Variants in IFT88 observed in about 807,000 individuals in gnomAD.
IFT88 encodes intraflagellar transport 88.
A neutral mutation model predicts 119.5 loss-of-function variants in IFT88; 74 were observed. The ratio of observed to expected loss-of-function variants is 0.62; its 90% CI spans 0.51 to 0.75. The LOEUF is 0.75. IFT88 is among the 30% of genes least tolerant of loss of function. The probability of loss-of-function intolerance (pLI) is 0.00; values close to 1 mark genes in which losing one functional copy is unlikely to be tolerated. For missense variants in IFT88, 961 were observed against 977.7 expected (o/e 0.98, Z 0.23); for synonymous variants, 279 against 316.7 (o/e 0.88, Z 1.26).
intron 5 of IFT88, 95 bp from the exon 6 acceptor site, chr13:20,591,523 T>C (rs974316495): frequency 1.2e-6 from 1 of 840,056 alleles, no homozygotes; most frequent in South Asian, 1.8e-5. Flanking sequence ...CAGCATTTTT[T>C]TAAATAGGGC....
intron 16 of IFT88, among the ~76,000 whole-genome samples, chr13:20,633,271 T>C (rs527765853): frequency 2.0e-5 from 3 of 152,218 alleles, no homozygotes; most frequent in East Asian, 3.9e-4. Context: ...AGGAAACTTA[T>C]AATCATAGCA....
At chr13:20,608,846 G>GC (rs1319963438) in intron 13 of IFT88, among the ~76,000 whole-genome samples, 1 of 152,232 alleles carries the variant, frequency 6.6e-6, no homozygotes, top group South Asian at 2.1e-4. Context: ...GCATGTCAGA[G>GC]TTGGCATCCG....
chr13:20,600,311 G>A (rs1338424097), intron 11 of IFT88, among the ~76,000 whole-genome samples: 2 of 152,032 alleles, frequency 1.3e-5, no homozygotes, highest in Non-Finnish European at 2.9e-5. Context: ...TATATTAAGT[G>A]CTTCATAATC....
chr13:20,621,448 C>G (rs1398539673), intron 14 of IFT88, among the ~76,000 whole-genome samples: 4 of 148,980 alleles, frequency 2.7e-5, no homozygotes, highest in Admixed American at 6.8e-5. Context: ...TTGAGGATTA[C>G]CTTGAGTATT....
At chr13:20,655,478 AT>A (rs2052605820) in intron 21 of IFT88, among the ~76,000 whole-genome samples, 1 of 150,736 alleles carries the variant, frequency 6.6e-6, no homozygotes, top group Non-Finnish European at 1.5e-5. Context: ...ACATTTATTT[AT>A]TTATTTATCC....
At position 20,672,158 on chromosome 13, in the gene IFT88, A is replaced by G. The variant is rs78816483; in HGVS notation, c.2242+1119A>G. Reference sequence around the variant, plus strand: ...GTTGGGACAAAGACTCCTTGAATTCAGAGCTGTGCTTTGAAATTCAAGGAG... The same window carrying G: ...GTTGGGACAAAGACTCCTTGAATTCGGAGCTGTGCTTTGAAATTCAAGGAG... On this transcript the variant is annotated intron_variant, in intron 24 of 25. Coordinates refer to ENST00000351808, the MANE Select transcript of IFT88 (RefSeq NM_006531.5). Among the ~76,000 whole-genome samples the G allele has an allele frequency of 2.0e-3, 299 of 152,280 alleles. 5 individuals carry two copies. The highest frequency in any genetic ancestry group is 0.02 in the East Asian group (101 of 5,174).
At chr13:20,657,229 C>T (rs754137284) in intron 22 of IFT88, among the ~76,000 whole-genome samples, 3 of 152,180 alleles carry the variant, frequency 2.0e-5, no homozygotes, top group Non-Finnish European at 4.4e-5. Context: ...GTAAAGTTAT[C>T]TTTGTAGAAG....
At chr13:20,583,104 C>T in intron 3 of IFT88, 85 bp downstream of exon 3, 1 of 721,534 alleles carries the variant, frequency 1.4e-6, no homozygotes, top group Non-Finnish European at 2.3e-6. Context: ...CCTGTATATT[C>T]CTGTAGTGTT....
At chr13:20,628,699 T>TA (rs1334995850) in intron 15 of IFT88, among the ~76,000 whole-genome samples, 1 of 152,202 alleles carries the variant, frequency 6.6e-6, no homozygotes, top group African/African-American at 2.4e-5. Context: ...GAATAGATCA[T>TA]AGTTTAGAAA....
chr13:20,644,076 A>G (rs1329413903), intron 19 of IFT88, among the ~76,000 whole-genome samples: 1 of 152,150 alleles, frequency 6.6e-6, no homozygotes, highest in African/African-American at 2.4e-5. Context: ...TAATGAAAAA[A>G]TGAAATAGGG....
intron 17 of IFT88, among the ~76,000 whole-genome samples, chr13:20,639,476 T>G (rs1439770867): frequency 2.0e-5 from 3 of 152,186 alleles, no homozygotes; most frequent in African/African-American, 7.2e-5. Context: ...GAAGGCCTAC[T>G]GCCAACCTTG....
intron 24 of IFT88, among the ~76,000 whole-genome samples, chr13:20,679,862 A>G (rs2057123028): frequency 6.6e-6 from 1 of 152,206 alleles, no homozygotes; most frequent in African/African-American, 2.4e-5. Context: ...AGGTACCACT[A>G]TACCACCATA....
At position 20,582,853 on chromosome 13, in the gene IFT88, T is replaced by C. The variant is rs1033301054; in HGVS notation, c.91-104T>C. On this transcript the variant is annotated intron_variant, in intron 2 of 25. Coordinates refer to ENST00000351808, the MANE Select transcript of IFT88 (RefSeq NM_006531.5). The stretch of plus-strand genomic sequence containing the variant: ...AGTCCTAGATGTCAACAGTTGGCAA[T>C]AGATGAGTTATAGAGGCTCTTGAGT... The C allele has an allele frequency of 5.0e-6, 4 of 799,102 alleles. No homozygotes were observed. The African/African-American group carries it at 5.2e-5, about 10-fold the overall frequency. 49.5% of individuals were successfully genotyped at this position (799,102 alleles called of 1,614,324 possible). A position where few individuals can be genotyped will look rare whatever the true frequency, so the allele number is the denominator to read the frequency against.
chr13:20,607,687 GACTAC>G (rs2043750108), intron 13 of IFT88: 5 of 852,670 alleles, frequency 5.9e-6, no homozygotes, highest in Non-Finnish European at 8.1e-6. Flanking sequence ...GCAGCGACTT[GACTAC>G]GTCTCACAGT....
At chr13:20,664,819 C>T (rs139269520) in intron 23 of IFT88, among the ~76,000 whole-genome samples, 1,541 of 152,166 alleles carry the variant, frequency 0.01, 11 homozygotes, top group Non-Finnish European at 0.014. Context: ...GTGGCTCACG[C>T]CTATAATCCC....
intron 24 of IFT88, among the ~76,000 whole-genome samples, chr13:20,677,712 G>T (rs1264803364): frequency 6.6e-6 from 1 of 152,124 alleles, no homozygotes; most frequent in Non-Finnish European, 1.5e-5. Flanking sequence ...CTTAATTATT[G>T]CATCTTAATA....
chr13:20,602,145 C>T (rs1418918966), intron 12 of IFT88, among the ~76,000 whole-genome samples: 1 of 150,476 alleles, frequency 6.6e-6, no homozygotes, highest in African/African-American at 2.4e-5. Flanking sequence ...AAACAGACTG[C>T]ACAATTTTAG....
intron 13 of IFT88, chr13:20,607,123 G>A (rs183609627): frequency 1.5e-5 from 6 of 394,914 alleles, no homozygotes; most frequent in Admixed American, 3.0e-5. Flanking sequence ...TCCTGTTCCC[G>A]GTGACTGTGT....
intron 2 of IFT88, among the ~76,000 whole-genome samples, chr13:20,580,049 C>G (rs1387664276): frequency 6.6e-6 from 1 of 151,882 alleles, no homozygotes; most frequent in African/African-American, 2.4e-5. Context: ...TGTGCTTTGT[C>G]TTTCCTTCAT....
Sources: allele counts gnomAD v4.1 joint callset (sites outside exome capture counted in the v4.1 genomes callset), GRCh38; gene constraint gnomAD v4.1.1; transcripts MANE v1.5; gene names NCBI Gene and HGNC (gene_info 2026-07-23, HGNC 2026-07-21).